The following TRPV3 variants were observed in gnomAD, a reference collection of about 807,000 sequenced individuals.
TRPV3 encodes VRL-3.
A neutral mutation model predicts 87.1 loss-of-function variants in TRPV3; 88 were observed. The observed-to-expected ratio is 1.01, with a 90% confidence interval of 0.85 to 1.21. The LOEUF is 1.21. TRPV3 is among the 50% of genes most tolerant of loss of function. The probability of loss-of-function intolerance (pLI) is 0.00; values close to 1 mark genes in which losing one functional copy is unlikely to be tolerated. For missense variants in TRPV3, 1,054 were observed against 1,030.1 expected (o/e 1.02, Z -0.32); for synonymous variants, 438 against 423.3 (o/e 1.03, Z -0.43).
chr17:3,528,247 C>T lies in TRPV3; in HGVS notation c.1402-121G>A. ...GCCGGGCCAGAGACCAGCATGAAAC[C>T]TGATCTCTGTACAGGGCAAGAGAAG... On this transcript the variant is annotated intron_variant, in intron 10 of 17. Transcript: ENST00000576742. The surrounding 1 kb of genome is among the most constrained non-coding windows in gnomAD (Gnocchi z 4.2). 6 of 684,180 alleles carry T rather than the reference C, an allele frequency of 8.8e-6. No homozygotes were observed. The South Asian group carries it at 1.1e-4, about 13-fold the overall frequency. 42.4% of individuals were successfully genotyped at this position (684,180 alleles called of 1,614,324 possible).
Position 3,524,366 on chromosome 17 carries a change from G to A in TRPV3, c.1578-3C>T. On this transcript the variant is annotated splice_region_variant and splice_polypyrimidine_tract_variant and intron_variant, in intron 12 of 17. Transcript: ENST00000576742. ...TCACAAGCACAGCTTGGATAAAACT[G>A]TTCAGGAGACACAGGAGACACGGGC... The A allele has an allele frequency of 6.2e-7, 1 of 1,614,100 alleles. No homozygotes were observed. The highest frequency in any genetic ancestry group is 8.5e-7 in the Non-Finnish European group (1 of 1,179,986).
At chr17:3,554,448 C>T (rs1207558004) in intron 2 of TRPV3, 4 of 331,966 alleles carry the variant, frequency 1.2e-5, no homozygotes, top group Non-Finnish European at 2.2e-5. Flanking sequence ...TCCCTCACCT[C>T]CCTCAGGAGC....
At chr17:3,539,095 A>G (rs893590486) in intron 6 of TRPV3, among the ~76,000 whole-genome samples, 8 of 152,204 alleles carry the variant, frequency 5.3e-5, no homozygotes, top group African/African-American at 1.9e-4. Flanking sequence ...GAATCTGGTG[A>G]AAAGAAGCTA....
chr17:3,526,213 C>T (rs1307156236), intron 12 of TRPV3, among the ~76,000 whole-genome samples: 1 of 152,146 alleles, frequency 6.6e-6, no homozygotes, highest in Admixed American at 6.5e-5. Flanking sequence ...CGCAGGAGCT[C>T]ACACCTGGAA....
At chr17:3,536,953 C>G (rs1375942613) in intron 6 of TRPV3, among the ~76,000 whole-genome samples, 1 of 152,124 alleles carries the variant, frequency 6.6e-6, no homozygotes, top group African/African-American at 2.4e-5. Flanking sequence ...CAAACATAGT[C>G]TTGGTGGATT....
chr17:3,522,025 T>G (rs1299221789), intron 13 of TRPV3, among the ~76,000 whole-genome samples: 1 of 152,050 alleles, frequency 6.6e-6, no homozygotes, highest in South Asian at 2.1e-4. Flanking sequence ...GCAGTGAGCC[T>G]AGATCGCACC....
intron 9 of TRPV3, among the ~76,000 whole-genome samples, 158 bp from the exon 10 acceptor site, chr17:3,529,153 G>A (rs190816859): frequency 5.9e-5 from 9 of 152,152 alleles, no homozygotes; most frequent in East Asian, 3.9e-4. Context: ...GGTGATTTCC[G>A]GCTCCTGAGG....
At chr17:3,535,927 G>A (rs1237355150) in intron 6 of TRPV3, among the ~76,000 whole-genome samples, 3 of 152,246 alleles carry the variant, frequency 2.0e-5, no homozygotes, top group African/African-American at 4.8e-5. Context: ...CCGGGCTCCG[G>A]CCCCAGGCGC....
At chr17:3,525,474 G>A (rs2074291182) in intron 12 of TRPV3, among the ~76,000 whole-genome samples, 1 of 152,130 alleles carries the variant, frequency 6.6e-6, no homozygotes, top group Admixed American at 6.5e-5. Flanking sequence ...TGTTGTTTAA[G>A]GGGTATGGAG....
intron 2 of TRPV3, among the ~76,000 whole-genome samples, chr17:3,547,438 T>C (rs1407736275): frequency 3.3e-5 from 5 of 152,008 alleles, no homozygotes; most frequent in African/African-American, 7.3e-5. Flanking sequence ...CTCGCCAACA[T>C]GGTGAAACCC....
At chr17:3,521,667 A>G (rs1038038820) in intron 13 of TRPV3, among the ~76,000 whole-genome samples, 2 of 152,234 alleles carry the variant, frequency 1.3e-5, no homozygotes, top group East Asian at 3.8e-4. Flanking sequence ...TTAAATTTAT[A>G]CAATTATATA....
chr17:3,533,562 G>A (rs2074371239), intron 7 of TRPV3, among the ~76,000 whole-genome samples: 1 of 149,878 alleles, frequency 6.7e-6, no homozygotes, highest in South Asian at 2.1e-4. Context: ...GCAGTGGTGC[G>A]ATCTCGCCTC....
chr17:3,544,716 G>T, intron 3 of TRPV3, 51 bp from the exon 4 acceptor site: 1 of 1,370,852 alleles, frequency 7.3e-7, no homozygotes. Flanking sequence ...TTTAAAATGG[G>T]CCGGGTGAGG....
At chr17:3,520,708 G>A (rs903581054) in intron 14 of TRPV3, among the ~76,000 whole-genome samples, 3 of 152,096 alleles carry the variant, frequency 2.0e-5, no homozygotes, top group Non-Finnish European at 2.9e-5. Context: ...TGTAAATGAC[G>A]AGTTAATGGG....
intron 6 of TRPV3, among the ~76,000 whole-genome samples, chr17:3,538,172 T>C (rs965012131): frequency 1.3e-5 from 2 of 150,808 alleles, no homozygotes; most frequent in African/African-American, 2.5e-5. Context: ...GCCTGGGCAA[T>C]AGAGCAAGAC....
At chr17:3,515,255 C>T (rs771211232) in intron 16 of TRPV3, among the ~76,000 whole-genome samples, 1 of 152,142 alleles carries the variant, frequency 6.6e-6, no homozygotes, top group Non-Finnish European at 1.5e-5. Flanking sequence ...ATGCTTTCCA[C>T]GGGGCGCGGT....
intron 16 of TRPV3, among the ~76,000 whole-genome samples, chr17:3,515,885 T>C (rs544264439): frequency 6.6e-6 from 1 of 150,916 alleles, no homozygotes; most frequent in South Asian, 2.1e-4. Flanking sequence ...TGGAGGCACC[T>C]CCAAAAAAGC....
chr17:3,524,507 A>G, intron 12 of TRPV3, 144 bp from the exon 13 acceptor site: 1 of 1,020,860 alleles, frequency 9.8e-7, no homozygotes, highest in Non-Finnish European at 1.4e-6. Context: ...ACGCTGCCTC[A>G]GATCCATTTG....
intron 2 of TRPV3, chr17:3,554,483 A>C (rs1597495717): frequency 2.6e-6 from 1 of 380,466 alleles, no homozygotes; most frequent in African/African-American, 2.4e-5. Flanking sequence ...CTGCCTCAGC[A>C]CCCCCGATCC....
Sources: gnomAD v4.1 joint callset for allele counts (sites outside exome capture counted in the v4.1 genomes callset) on GRCh38, gnomAD v4.1.1 for gene constraint, Gnocchi (gnomAD v3.1) non-coding constraint, MANE v1.5 for transcripts, NCBI Gene and HGNC (gene_info 2026-07-23, HGNC 2026-07-21) for gene names.